ATXN8OS: variants seen among roughly 807,000 people sequenced by gnomAD.
ATXN8OS encodes the protein ATXN8 opposite strand (non-protein coding).
intron 3 of ATXN8OS, chr13:70,131,331 T>C (rs1888531012): frequency 5.0e-6 from 2 of 398,478 alleles, no homozygotes; most frequent in Non-Finnish European, 8.8e-6. Flanking sequence ...AATTTTTCCA[T>C]AAATCAGTTT....
chr13:70,128,031 T>C, intron 2 of ATXN8OS, among the ~76,000 whole-genome samples: 1 of 152,048 alleles, frequency 6.6e-6, no homozygotes, highest in Non-Finnish European at 1.5e-5. Context: ...TTTATTAAAT[T>C]ATATATAATT....
At position 70,160,795 on chromosome 13, in the gene ATXN8OS, A is replaced by AATATATTTATTATAAATATATATAAAT. The variant is rs1555301937; in HGVS notation, n.574-8947_574-8921dup. Among the ~76,000 whole-genome samples, 468 of 60,012 alleles carry AATATATTTATTATAAATATATATAAAT rather than the reference A, an allele frequency of 7.8e-3. 132 individuals are homozygous for AATATATTTATTATAAATATATATAAAT. Among genetic ancestry groups the AATATATTTATTATAAATATATATAAAT allele is most frequent in the African/African-American group, 0.024 (408 of 16,810 alleles). 39.4% of individuals were successfully genotyped at this position (60,012 alleles called of 152,430 possible). A position where few individuals can be genotyped will look rare whatever the true frequency, so the allele number is the denominator to read the frequency against. ...GTAAATATATAAATATTTATTTATAAATATATTTATTATAAATATATATAA... is the reference window on the plus strand; with the variant it reads ...GTAAATATATAAATATTTATTTATAAATATATTTATTATAAATATATATAAATATATATTTATTATAAATATATATAA... On this transcript the variant is annotated intron_variant and non_coding_transcript_variant, in intron 4 of 4. Coordinates refer to ENST00000678624, the Ensembl canonical transcript of ATXN8OS.
rs182232074 is a variant in ATXN8OS at position 70,145,091 on chromosome 13, C to T, written n.500-2264C>T. 1.5e-3 allele frequency among the ~76,000 whole-genome samples: 232 copies of T among 152,152 alleles called. 3 individuals carry two copies. Among genetic ancestry groups the T allele is most frequent in the Non-Finnish European group, 2.5e-3 (171 of 68,006 alleles). On this transcript the variant is annotated intron_variant and non_coding_transcript_variant, in intron 3 of 4. Coordinates refer to ENST00000678624, the Ensembl canonical transcript of ATXN8OS. ...TATGTCTAGACAGTTTTCCCAGCACCATTTATTAAATAGGGAATCCTTTCC... is the reference window on the plus strand; with the variant it reads ...TATGTCTAGACAGTTTTCCCAGCACTATTTATTAAATAGGGAATCCTTTCC...
chr13:70,154,131 G>A (rs557315534), intron 4 of ATXN8OS, among the ~76,000 whole-genome samples: 112 of 152,270 alleles, frequency 7.4e-4, no homozygotes, highest in South Asian at 1.2e-3. Context: ...AGTTGAGGGC[G>A]AGCACACACA....
intron 2 of ATXN8OS, among the ~76,000 whole-genome samples, chr13:70,126,620 T>TAC (rs1888441056): frequency 6.6e-6 from 1 of 151,668 alleles, no homozygotes; most frequent in East Asian, 1.9e-4. Flanking sequence ...TATATATATA[T>TAC]ATGAAATCTT....
intron 4 of ATXN8OS, among the ~76,000 whole-genome samples, chr13:70,158,527 A>G (rs1217695139): frequency 3.9e-5 from 6 of 152,254 alleles, no homozygotes; most frequent in Non-Finnish European, 8.8e-5. Context: ...CAATATGCCT[A>G]GATGGCAATG....
chr13:70,109,120 T>TATGC (rs1175716703), intron 1 of ATXN8OS, among the ~76,000 whole-genome samples: 1 of 152,258 alleles, frequency 6.6e-6, no homozygotes, highest in African/African-American at 2.4e-5. Flanking sequence ...CATTGTATAC[T>TATGC]ATGCATGGAA....
chr13:70,141,832 T>G (rs1344147893), intron 3 of ATXN8OS, among the ~76,000 whole-genome samples: 2 of 152,040 alleles, frequency 1.3e-5, no homozygotes, highest in Admixed American at 6.6e-5. Context: ...GTCAGTATGA[T>G]AAAACCAACA....
chr13:70,111,189 G>A (rs2137467424), intron 1 of ATXN8OS, among the ~76,000 whole-genome samples: 1 of 152,304 alleles, frequency 6.6e-6, no homozygotes, highest in African/African-American at 2.4e-5. Context: ...AAGCATGGGT[G>A]TAAAATGTAT....
intron 4 of ATXN8OS, among the ~76,000 whole-genome samples, chr13:70,156,681 TATA>T (rs1250243760): frequency 1.3e-5 from 2 of 152,146 alleles, no homozygotes; most frequent in South Asian, 4.1e-4. Flanking sequence ...CAAGCTTTGT[TATA>T]ATGTTTTCTA....
chr13:70,158,259 A>T (rs1888961486), intron 4 of ATXN8OS, among the ~76,000 whole-genome samples: 1 of 152,132 alleles, frequency 6.6e-6, no homozygotes, highest in African/African-American at 2.4e-5. Context: ...CTCTACTAAA[A>T]ATACAAAAAT....
Position 70,139,318 on chromosome 13 carries a change from G to C in ATXN8OS, n.500-8037G>C, listed in dbSNP as rs1473155503. The stretch of plus-strand genomic sequence containing the variant: ...AGCCCTATTCCCAATTCCTTGGCTA[G>C]ACCCTGGGTCCTTCATGTTAGAAAA... On this transcript the variant is annotated intron_variant and non_coding_transcript_variant, in intron 3 of 4. Transcript: ENST00000678624. 1.0e-5 allele frequency: 6 copies of C among 584,732 alleles called. 1 individual carries two copies. The highest frequency in any genetic ancestry group is 7.8e-5 in the South Asian group (3 of 38,402). 36.2% of individuals were successfully genotyped at this position (584,732 alleles called of 1,614,324 possible). A position where few individuals can be genotyped will look rare whatever the true frequency, so the allele number is the denominator to read the frequency against.
At chr13:70,146,681 G>A (rs866194171) in intron 3 of ATXN8OS, among the ~76,000 whole-genome samples, 2 of 148,598 alleles carry the variant, frequency 1.3e-5, no homozygotes, top group Middle Eastern at 3.5e-3. Flanking sequence ...ACCAAACACT[G>A]CATGTTCTCA....
chr13:70,138,527 G>C (rs1888651273), intron 3 of ATXN8OS, among the ~76,000 whole-genome samples: 2 of 151,708 alleles, frequency 1.3e-5, no homozygotes, highest in South Asian at 2.1e-4. Flanking sequence ...TATTTATTGA[G>C]TGTCTCAGTT....
chr13:70,127,581 C>T lies in ATXN8OS; in HGVS notation n.399-2203C>T, dbSNP rs367656684. Among the ~76,000 whole-genome samples the T allele has an allele frequency of 3.3e-5, 5 of 151,826 alleles. No homozygotes were observed. In the South Asian group the frequency reaches 8.3e-4, roughly 25 times the overall value. ...ACATTGAGAATATTGACTTTAGAAA[C>T]CAGATTGAAGAAAAAAGCCATGATG... On this transcript the variant is annotated intron_variant and non_coding_transcript_variant, in intron 2 of 4. Coordinates refer to ENST00000678624, the Ensembl canonical transcript of ATXN8OS.
chr13:70,114,495 A>G (rs1419825870), intron 1 of ATXN8OS, among the ~76,000 whole-genome samples: 1 of 152,220 alleles, frequency 6.6e-6, no homozygotes, highest in Non-Finnish European at 1.5e-5. Context: ...TGTGATGTCT[A>G]GGACAAAATT....
chr13:70,121,620 C>T (rs1888361164), intron 2 of ATXN8OS, among the ~76,000 whole-genome samples: 1 of 152,000 alleles, frequency 6.6e-6, no homozygotes. Flanking sequence ...TGCTTTCATT[C>T]ATACAGATGA....
chr13:70,147,628 A>G (rs1888803469), intron 4 of ATXN8OS, among the ~76,000 whole-genome samples: 1 of 152,200 alleles, frequency 6.6e-6, no homozygotes, highest in Admixed American at 6.5e-5. Flanking sequence ...TCAAAAATAA[A>G]GATGTCATTA....
Position 70,148,576 on chromosome 13 carries a change from A to C in ATXN8OS, n.573+1148A>C, listed in dbSNP as rs796677476. Among the ~76,000 whole-genome samples the C allele has an allele frequency of 2.4e-4, 36 of 152,228 alleles. 1 individual carries two copies. Among genetic ancestry groups the C allele is most frequent in the African/African-American group, 7.9e-4 (33 of 41,550 alleles). On this transcript the variant is annotated intron_variant and non_coding_transcript_variant, in intron 4 of 4. Transcript: ENST00000678624. Reference sequence around the variant, plus strand: ...ACTCAATAAGATGGAAGGGGGTATAATTTTAATTTAGATTCATAAATAAAA... The same window carrying C: ...ACTCAATAAGATGGAAGGGGGTATACTTTTAATTTAGATTCATAAATAAAA...
Sources: allele counts gnomAD v4.1 joint callset (sites outside exome capture counted in the v4.1 genomes callset), GRCh38; gene constraint gnomAD v4.1.1; transcripts MANE v1.5; gene names NCBI Gene and HGNC (gene_info 2026-07-23, HGNC 2026-07-21).